Variants in CELF5 observed in about 807,000 individuals in gnomAD.
The protein encoded by CELF5 is CUG-BP and ETR-3 like factor 5.
A neutral mutation model predicts 54.9 loss-of-function variants in CELF5; 6 were observed. The observed-to-expected ratio is 0.11, with a 90% CI of 0.06 to 0.22. The LOEUF is 0.22. Ranked by LOEUF, CELF5 falls within the 10% of genes least tolerant of loss-of-function variation. The probability of loss-of-function intolerance (pLI) is 1.00; values close to 1 mark genes in which losing one functional copy is unlikely to be tolerated. For missense variants in CELF5, 401 were observed against 678.6 expected, an observed-to-expected ratio of 0.59 and a Z score of 4.54; for synonymous variants, 271 against 290.9, an observed-to-expected ratio of 0.93 and a Z score of 0.70.
chr19:3,278,124 G>T lies in CELF5; in HGVS notation c.603+14G>T, dbSNP rs557464386. 6.4e-7 allele frequency: 1 copy of T among 1,567,948 alleles called. No homozygotes were observed. Among genetic ancestry groups the T allele is most frequent in the Admixed American group, 1.7e-5 (1 of 59,824 alleles). The stretch of plus-strand genomic sequence containing the variant: ...CAGACCATGCCGGTGAGTTGGAGCT[G>T]CCCTTGGCCGTGGGGGTGGGGGTGG... On this transcript the variant is annotated intron_variant, in intron 5 of 12. Coordinates refer to ENST00000292672, the MANE Select transcript of CELF5 (RefSeq NM_021938.4). The surrounding 1 kb of genome is among the most constrained non-coding windows in gnomAD (Gnocchi z 4.5).
intron 1 of CELF5, among the ~76,000 whole-genome samples, chr19:3,231,578 T>C (rs1917260575): frequency 6.9e-6 from 1 of 145,658 alleles, no homozygotes. Flanking sequence ...GATGGATGGA[T>C]TTGTAGATGG....
intron 10 of CELF5, among the ~76,000 whole-genome samples, chr19:3,287,295 C>T (rs1346327041): frequency 1.3e-5 from 2 of 150,938 alleles, no homozygotes; most frequent in East Asian, 1.9e-4. Context: ...CGAGGTGGCT[C>T]ATGCCTGTAA....
rs186554332 is a variant in CELF5, at chr19:3,247,418, G to A, written c.260-3567G>A. Among the ~76,000 whole-genome samples, 237 of 151,980 alleles carry A rather than the reference G, an allele frequency of 1.6e-3. 1 individual carries two copies. The highest frequency in any genetic ancestry group is 4.6e-3 in the African/African-American group (192 of 41,482). The stretch of plus-strand genomic sequence containing the variant: ...TGGGATTACAGGCGTGAGCCATCAC[G>A]CCCGGCCTAATTTTTGTATTTTTTA... On this transcript the variant is annotated intron_variant, in intron 1 of 12. Transcript: ENST00000292672.
intron 1 of CELF5, among the ~76,000 whole-genome samples, chr19:3,226,372 T>G (rs1021051957): frequency 6.6e-6 from 1 of 151,306 alleles, no homozygotes; most frequent in Non-Finnish European, 1.5e-5. Flanking sequence ...AGCTAGACCC[T>G]CCAGCTGGTT....
intron 9 of CELF5, among the ~76,000 whole-genome samples, chr19:3,285,377 T>G (rs1489350137): frequency 1.5e-5 from 2 of 137,632 alleles, no homozygotes; most frequent in East Asian, 4.4e-4. Flanking sequence ...ACCACGCCTC[T>G]CTGATAAAGC....
chr19:3,257,758 G>A (rs1200712720), intron 2 of CELF5, among the ~76,000 whole-genome samples: 1 of 151,568 alleles, frequency 6.6e-6, no homozygotes, highest in Non-Finnish European at 1.5e-5. Flanking sequence ...TTACAGGCAT[G>A]AGCCACCATG....
intron 1 of CELF5, among the ~76,000 whole-genome samples, chr19:3,232,770 C>G (rs1712130566): frequency 6.6e-6 from 1 of 151,832 alleles, no homozygotes; most frequent in African/African-American, 2.4e-5. Context: ...AGCAAGACCC[C>G]TTCTCTACAA....
intron 1 of CELF5, chr19:3,225,657 G>T (rs575487155): frequency 2.1e-5 from 20 of 933,186 alleles, no homozygotes; most frequent in Middle Eastern, 1.1e-3. Flanking sequence ...CGCCCGGCTC[G>T]GGGGGACGCG....
intron 8 of CELF5, among the ~76,000 whole-genome samples, chr19:3,284,093 C>T (rs1226970630): frequency 4.0e-5 from 6 of 151,226 alleles, no homozygotes; most frequent in African/African-American, 1.5e-4. Context: ...AGCGATCCTC[C>T]TTCCTCGGCC....
intron 2 of CELF5, among the ~76,000 whole-genome samples, chr19:3,257,754 G>T (rs1479783353): frequency 6.6e-6 from 1 of 151,326 alleles, no homozygotes; most frequent in African/African-American, 2.4e-5. Flanking sequence ...GGGATTACAG[G>T]CATGAGCCAC....
intron 1 of CELF5, among the ~76,000 whole-genome samples, chr19:3,244,926 C>T (rs1048392742): frequency 8.6e-6 from 1 of 116,888 alleles, no homozygotes; most frequent in Admixed American, 9.2e-5. Flanking sequence ...TACATCTGTA[C>T]GTGTGTGTGT....
intron 8 of CELF5, chr19:3,284,642 G>A (rs982687187): frequency 1.9e-6 from 1 of 531,062 alleles, no homozygotes; most frequent in Non-Finnish European, 3.4e-6. Context: ...ATAGGGAGAG[G>A]GAGATGGGGA....
chr19:3,267,298 C>T (rs12461208), intron 2 of CELF5, among the ~76,000 whole-genome samples: 38,219 of 151,870 alleles, frequency 0.25, 5,909 homozygotes, highest in East Asian at 0.71. Flanking sequence ...CCCCCGTTTC[C>T]GGTTCCCGCA....
rs184217886 is a variant in CELF5 at position 3,278,379 on chromosome 19, G to A, written c.603+269G>A. On this transcript the variant is annotated intron_variant, in intron 5 of 12. Transcript: ENST00000292672. The surrounding 1 kb of genome is among the most constrained non-coding windows in gnomAD (Gnocchi z 4.5). ...GTATTACAAGTGTGTGCGTGTGGGT[G>A]AGTGTGCATGTCTGGGTGTGAGTGT... Among the ~76,000 whole-genome samples, 103 of 152,218 alleles carry A rather than the reference G, an allele frequency of 6.8e-4. No homozygotes were observed. The highest frequency in any genetic ancestry group is 2.4e-3 in the African/African-American group (100 of 41,550).
At chr19:3,285,019 C>CCCCGCCCCCGCCCAGGGA in intron 9 of CELF5, 55 bp downstream of exon 9, 1 of 1,385,612 alleles carries the variant, frequency 7.2e-7, no homozygotes, top group Non-Finnish European at 1.0e-6. Flanking sequence ...CCGCCTAGGG[C>CCCCGCCCCCGCCCAGGGA]CCCGCCCCCA....
At chr19:3,277,333 C>T (rs1307185748) in intron 4 of CELF5, among the ~76,000 whole-genome samples, 1 of 152,022 alleles carries the variant, frequency 6.6e-6, no homozygotes, top group Non-Finnish European at 1.5e-5. Flanking sequence ...ATTAGCTGGG[C>T]GTGGTGGCAG....
chr19:3,294,724 G>T (rs1173058082), intron 12 of CELF5: 1 of 152,206 alleles, frequency 6.6e-6, no homozygotes, highest in Non-Finnish European at 1.5e-5. Flanking sequence ...AGAAACGGGG[G>T]ATGGAGGACA....
At chr19:3,232,035 A>G (rs1185383617) in intron 1 of CELF5, among the ~76,000 whole-genome samples, 3 of 151,754 alleles carry the variant, frequency 2.0e-5, no homozygotes, top group Non-Finnish European at 4.4e-5. Flanking sequence ...AGACTGAAGG[A>G]TGGAAGGATG....
At chr19:3,279,784 TC>T (rs1392171040) in intron 5 of CELF5, among the ~76,000 whole-genome samples, 2 of 151,962 alleles carry the variant, frequency 1.3e-5, no homozygotes, top group African/African-American at 4.8e-5. Context: ...CTCACTGCAA[TC>T]TCCACCTCTC....
Sources: gnomAD v4.1 joint callset for allele counts (sites outside exome capture counted in the v4.1 genomes callset) on GRCh38, gnomAD v4.1.1 for gene constraint, Gnocchi (gnomAD v3.1) non-coding constraint, MANE v1.5 for transcripts, NCBI Gene and HGNC (gene_info 2026-07-23, HGNC 2026-07-21) for gene names.